The following USP35 variants were observed in gnomAD, a reference collection of about 807,000 sequenced individuals.
USP35 encodes ubiquitin carboxyl-terminal hydrolase 35.
A neutral mutation model predicts 83.8 loss-of-function variants in USP35; 69 were observed. The observed-to-expected ratio is 0.82, with a 90% CI of 0.68 to 1.01. The LOEUF is 1.01. Ranked by LOEUF, USP35 falls within the 50% of genes least tolerant of loss-of-function variation. USP35 has a pLI of 0.00. For synonymous variants in USP35, 714 were observed against 589.5 expected (o/e 1.21, Z -3.06); for missense variants, 1,503 against 1,362.5 (o/e 1.10, Z -1.62).
At chr11:78,218,650 G>A (rs1344759149), downstream of USP35, 1 of 153,116 alleles carries the variant, frequency 6.5e-6, no homozygotes, top group Non-Finnish European at 1.5e-5. Flanking sequence ...GTTCCCTGCA[G>A]ATGTCAGCTT....
At chr11:78,236,390 A>G in the USP35 span, among the ~76,000 whole-genome samples, 2 of 152,190 alleles carry the variant, frequency 1.3e-5, no homozygotes, top group East Asian at 3.8e-4. Flanking sequence ...AGCTCCAGGT[A>G]TCCACCTGCC....
In USP35 at chr11:78,199,535, C is replaced by G. The variant is rs1162907395; in HGVS notation, c.807-60C>G. The G allele has an allele frequency of 9.3e-6, 15 of 1,608,666 alleles. No individual in the cohort carries two copies. The East Asian group carries it at 3.3e-4, about 36-fold the overall frequency. ...GACATTACGGATAGCCCCTGGGCTGCCCTCACCCCAGCATTTTGGGTGTCC... is the reference window on the plus strand; with the variant it reads ...GACATTACGGATAGCCCCTGGGCTGGCCTCACCCCAGCATTTTGGGTGTCC... On this transcript the variant is annotated intron_variant, in intron 3 of 10. Coordinates refer to ENST00000529308, the MANE Select transcript of USP35 (RefSeq NM_020798.4).
the USP35 span, chr11:78,223,649 C>G: frequency 6.2e-7 from 1 of 1,607,424 alleles, no homozygotes; most frequent in Non-Finnish European, 8.5e-7. Context: ...TTGGTGCTGT[C>G]CGATCGGCCC....
chr11:78,200,937 T>A, intron 6 of USP35, 129 bp downstream of exon 6: 3 of 1,312,480 alleles, frequency 2.3e-6, no homozygotes, highest in Non-Finnish European at 3.1e-6. Context: ...TCCCATCACC[T>A]CCCCAGGTCC....
chr11:78,203,065 A>C (rs1863406152), intron 6 of USP35, among the ~76,000 whole-genome samples: 1 of 152,160 alleles, frequency 6.6e-6, no homozygotes, highest in African/African-American at 2.4e-5. Flanking sequence ...CAGGCTTTGC[A>C]CAGTAGGGGC....
In USP35 at chr11:78,212,726, C is replaced by T. The variant is rs931736423; in HGVS notation, c.2890-920C>T. On this transcript the variant is annotated intron_variant, in intron 10 of 10. Transcript: ENST00000529308. Reference sequence around the variant, plus strand: ...TGTATAGGAATGCTAGCAATTTTTGCACATTGGTTTTTGTATGTATCATCT... The same window carrying T: ...TGTATAGGAATGCTAGCAATTTTTGTACATTGGTTTTTGTATGTATCATCT... Among the ~76,000 whole-genome samples, 4 of 152,282 alleles carry T rather than the reference C, an allele frequency of 2.6e-5. No homozygotes were observed. The South Asian group carries it at 6.2e-4, about 24-fold the overall frequency.
rs115298816 is a variant in USP35 at position 78,209,900 on chromosome 11, A to G, written c.2045A>G (p.Glu682Gly). 2,810 of 1,602,510 alleles carry G rather than the reference A, an allele frequency of 1.8e-3. 41 individuals are homozygous for G. The African/African-American group carries it at 0.033, about 19-fold the overall frequency. The part of the protein sequence containing the change: ...SQEERIEREE[E>G]GKEERTEKEE... ...GAGGAAAGGATAGAGAGGGAGGAAG[A>G]AGGGAAGGAGGAGAGAACGGAGAAG... The change falls in exon 10 of 11, where the codon GAA becomes GGA. Residue 682 changes from glutamate (E) to glycine (G), a missense_variant. Transcript: ENST00000529308.
chr11:78,209,342 C>T lies in USP35; in HGVS notation c.1593-106C>T, dbSNP rs552615100. The T allele has an allele frequency of 9.6e-5, 116 of 1,213,222 alleles. No homozygotes were observed. In the African/African-American group the frequency reaches 1.3e-3, roughly 13 times the overall value. 75.2% of individuals were successfully genotyped at this position (1,213,222 alleles called of 1,614,324 possible). A position where few individuals can be genotyped will look rare whatever the true frequency, so the allele number is the denominator to read the frequency against. The stretch of plus-strand genomic sequence containing the variant: ...TGGTGTGTGCATGTGTGTTTGTGTG[C>T]GTCTCAATGTGTGGCTGTTGGGGAA... On this transcript the variant is annotated intron_variant, in intron 9 of 10. Transcript: ENST00000529308.
downstream of USP35, chr11:78,219,289 T>C (rs779560386): frequency 6.2e-7 from 1 of 1,613,570 alleles, no homozygotes; most frequent in Non-Finnish European, 8.5e-7. Flanking sequence ...TTGGCACCCT[T>C]GGAAGGCTCT....
At chr11:78,221,190 A>C in the USP35 span, among the ~76,000 whole-genome samples, 1 of 152,180 alleles carries the variant, frequency 6.6e-6, no homozygotes, top group Non-Finnish European at 1.5e-5. Context: ...TGGTTAATTC[A>C]TTCTTTCACT....
chr11:78,226,847 A>G, the USP35 span: 2 of 1,613,938 alleles, frequency 1.2e-6, no homozygotes, highest in South Asian at 1.1e-5. Flanking sequence ...TGGTGTGGCC[A>G]TGGGAGGCCA....
chr11:78,191,629 C>A (rs998366584), intron 1 of USP35, among the ~76,000 whole-genome samples: 8 of 152,114 alleles, frequency 5.3e-5, no homozygotes, highest in Non-Finnish European at 1.5e-5. Flanking sequence ...GGTTAGGAGG[C>A]TACTGCACTA....
chr11:78,202,059 C>T (rs1218151426), intron 6 of USP35, among the ~76,000 whole-genome samples: 1 of 152,120 alleles, frequency 6.6e-6, no homozygotes, highest in Non-Finnish European at 1.5e-5. Context: ...GGGGAGTCCC[C>T]AGGGGCCAAA....
rs752940447 is a variant in USP35 at position 78,210,232 on chromosome 11, A to G, written c.2377A>G (p.Lys793Glu). ...ESCASLQDAE[K>E]VVELSQGPCY... ...GTGTGCCTCCCTGCAGGATGCCGAG[A>G]AGGTGGTGGAGCTGAGCCAAGGGCC... The change falls in exon 10 of 11, where the codon AAG becomes GAG. Residue 793 changes from lysine to glutamate, a missense_variant. Physicochemically the swap from Lys to Glu is moderately conservative, Grantham distance 56. Coordinates refer to ENST00000529308, the MANE Select transcript of USP35 (RefSeq NM_020798.4). 13 of 1,613,802 alleles carry G rather than the reference A, an allele frequency of 8.1e-6. No individual in the cohort carries two copies. Among genetic ancestry groups the G allele is most frequent in the Non-Finnish European group, 1.1e-5 (13 of 1,180,008 alleles).
intron 2 of USP35, among the ~76,000 whole-genome samples, chr11:78,197,291 C>T (rs1253156461): frequency 6.6e-6 from 1 of 151,590 alleles, no homozygotes. Context: ...TAGAAGCTAT[C>T]ACTTTAGAGC....
At chr11:78,198,139 C>G in intron 3 of USP35, 71 bp downstream of exon 3, 2 of 1,596,024 alleles carry the variant, frequency 1.3e-6, no homozygotes, top group Non-Finnish European at 1.7e-6. Flanking sequence ...AGCCCCTTCT[C>G]CTGGGTGGGC....
chr11:78,225,955 TG>T, the USP35 span, among the ~76,000 whole-genome samples: 4 of 152,220 alleles, frequency 2.6e-5, no homozygotes, highest in Non-Finnish European at 4.4e-5. Context: ...ATACTCTCAG[TG>T]GAAAACAAGT....
chr11:78,219,016 T>TTC (rs1864283906), downstream of USP35: 1 of 466,752 alleles, frequency 2.1e-6, no homozygotes, highest in East Asian at 3.6e-5. Context: ...AAGTAGCTCC[T>TTC]AACTAAGGTG....
At chr11:78,201,202 A>C (rs940651197) in intron 6 of USP35, among the ~76,000 whole-genome samples, 1 of 152,102 alleles carries the variant, frequency 6.6e-6, no homozygotes, top group Non-Finnish European at 1.5e-5. Flanking sequence ...CATGCCCTCC[A>C]CCAGGCTGGG....
Sources: gnomAD v4.1 joint callset for allele counts (sites outside exome capture counted in the v4.1 genomes callset) on GRCh38, gnomAD v4.1.1 for gene constraint, MANE v1.5 for transcripts, NCBI Gene and HGNC (gene_info 2026-07-23, HGNC 2026-07-21) for gene names.